Variants in CLIC5 observed in about 807,000 individuals in gnomAD.
CLIC5 encodes CLIC family member 5.
In CLIC5, 20 loss-of-function variants were observed where a neutral mutation model predicts 24.7. The ratio of observed to expected loss-of-function variants is 0.81; its 90% CI spans 0.57 to 1.18. The LOEUF is 1.18. Ranked by LOEUF, CLIC5 falls within the 50% of genes most tolerant of loss-of-function variation. The pLI is 0.00. For missense variants in CLIC5, 341 were observed against 326.1 expected, an observed-to-expected ratio of 1.05 and a Z score of -0.35; for synonymous variants, 159 against 135.6, an observed-to-expected ratio of 1.17 and a Z score of -1.20.
At chr6:45,949,201 A>G (rs1220041014) in intron 3 of CLIC5, 55 bp downstream of exon 3, 43 of 1,571,198 alleles carry the variant, frequency 2.7e-5, no homozygotes, top group Non-Finnish European at 3.5e-5. Context: ...AGGACTTTAT[A>G]GATCCAGCAT....
the CLIC5 span, among the ~76,000 whole-genome samples, chr6:46,117,110 G>A: frequency 1.8e-4 from 28 of 152,216 alleles, no homozygotes; most frequent in African/African-American, 6.7e-4. Context: ...GCCAATCTGA[G>A]GCTCTTCTCT....
intron 1 of CLIC5, among the ~76,000 whole-genome samples, chr6:46,041,026 A>G (rs1265144963): frequency 6.6e-6 from 1 of 152,238 alleles, no homozygotes; most frequent in African/African-American, 2.4e-5. Flanking sequence ...AACAATACAA[A>G]AGCCTCAGCA....
At chr6:46,111,274 T>C in the CLIC5 span, among the ~76,000 whole-genome samples, 2 of 152,044 alleles carry the variant, frequency 1.3e-5, no homozygotes, top group Non-Finnish European at 2.9e-5. Flanking sequence ...TGATGATGTA[T>C]GGACTACTCA....
At chr6:45,958,074 A>G (rs931880190) in intron 1 of CLIC5, among the ~76,000 whole-genome samples, 4 of 152,110 alleles carry the variant, frequency 2.6e-5, no homozygotes, top group Non-Finnish European at 5.9e-5. Context: ...GGGTCCTTGC[A>G]GGTGGAATCA....
At chr6:45,919,150 C>T in intron 4 of CLIC5, 1 of 965,224 alleles carries the variant, frequency 1.0e-6, no homozygotes, top group Non-Finnish European at 1.2e-6. Flanking sequence ...TCTAAATAGT[C>T]CCCCTAGAGA....
intron 1 of CLIC5, among the ~76,000 whole-genome samples, chr6:46,062,373 T>C (rs1762309349): frequency 6.6e-6 from 1 of 152,272 alleles, no homozygotes; most frequent in South Asian, 2.1e-4. Flanking sequence ...TTTGTGGTTG[T>C]TATCACTGAA....
intron 4 of CLIC5, among the ~76,000 whole-genome samples, chr6:45,916,511 G>C (rs1219249320): frequency 6.6e-6 from 1 of 152,144 alleles, no homozygotes. Context: ...ATCAAATACT[G>C]GGCCTGTCAA....
rs375073499 is a variant in CLIC5, at chr6:46,045,505, A to C, written c.540+34198T>G. On this transcript the variant is annotated intron_variant, in intron 1 of 5. Coordinates refer to the CLIC5 transcript ENST00000185206. ...GCAGAGAGTCACTGGCCCATTCTCC[A>C]TGATGCTGGTTGCCAAGAAACCATT... is the stretch of plus-strand genomic sequence containing the variant. 9.8e-4 allele frequency among the ~76,000 whole-genome samples: 149 copies of C among 152,294 alleles called. 1 individual carries two copies. The highest frequency in any genetic ancestry group is 2.8e-3 in the African/African-American group (117 of 41,564).
intron 1 of CLIC5, among the ~76,000 whole-genome samples, chr6:46,035,996 C>T (rs1036931522): frequency 2.6e-5 from 4 of 152,060 alleles, no homozygotes; most frequent in Admixed American, 1.3e-4. Context: ...CTGCCTGCCT[C>T]GGCCTCCCAA....
chr6:45,884,714 T>C (rs1355258930), intron 6 of CLIC5, among the ~76,000 whole-genome samples: 1 of 152,190 alleles, frequency 6.6e-6, no homozygotes, highest in African/African-American at 2.4e-5. Context: ...TTACTGGTCA[T>C]GGCAGGTAGA....
At chr6:45,939,217 CTT>C (rs34976541) in intron 4 of CLIC5, among the ~76,000 whole-genome samples, 322 of 115,760 alleles carry the variant, frequency 2.8e-3, no homozygotes, top group African/African-American at 0.011. Flanking sequence ...CTCCTCTCCT[CTT>C]TTTTTTTTTT....
At chr6:46,111,793 C>A in the CLIC5 span, among the ~76,000 whole-genome samples, 3 of 152,066 alleles carry the variant, frequency 2.0e-5, no homozygotes, top group Non-Finnish European at 4.4e-5. Flanking sequence ...ATGAGAGGGA[C>A]CTGGTGGGAA....
At chr6:46,069,886 G>C (rs1169823404) in intron 1 of CLIC5, among the ~76,000 whole-genome samples, 1 of 152,162 alleles carries the variant, frequency 6.6e-6, no homozygotes, top group Admixed American at 6.5e-5. Context: ...GATCAAGTAA[G>C]CTTTATCCCT....
chr6:45,920,643 C>T (rs971455578), intron 4 of CLIC5: 2 of 961,496 alleles, frequency 2.1e-6, no homozygotes, highest in Non-Finnish European at 2.5e-6. Flanking sequence ...AAGAATATCA[C>T]CACTTACTCA....
chr6:46,092,323 T>A, the CLIC5 span, among the ~76,000 whole-genome samples: 1 of 152,240 alleles, frequency 6.6e-6, no homozygotes, highest in African/African-American at 2.4e-5. Context: ...TGAGACTTGC[T>A]AGAGAAACAA....
At chr6:46,055,700 C>A (rs552079822) in intron 1 of CLIC5, among the ~76,000 whole-genome samples, 103 of 152,332 alleles carry the variant, frequency 6.8e-4, no homozygotes, top group African/African-American at 2.2e-3. Context: ...CACATGGGAG[C>A]TGGTGGCTGT....
intron 5 of CLIC5, among the ~76,000 whole-genome samples, chr6:45,904,740 C>A (rs2127295998): frequency 6.8e-6 from 1 of 146,978 alleles, no homozygotes; most frequent in Admixed American, 7.0e-5. Flanking sequence ...TTCCTTCCTT[C>A]CCTCTTTTTT....
chr6:45,990,857 A>C (rs1042494368), intron 1 of CLIC5, among the ~76,000 whole-genome samples: 2 of 152,192 alleles, frequency 1.3e-5, no homozygotes, highest in Non-Finnish European at 2.9e-5. Context: ...ACCTGGATTC[A>C]AGACCGGGTT....
the CLIC5 span, among the ~76,000 whole-genome samples, chr6:46,113,116 T>C: frequency 6.6e-6 from 1 of 151,928 alleles, no homozygotes; most frequent in Non-Finnish European, 1.5e-5. Flanking sequence ...GTATATGAGA[T>C]TGTGAGTTGG....
Sources: allele counts gnomAD v4.1 joint callset (sites outside exome capture counted in the v4.1 genomes callset), GRCh38; gene constraint gnomAD v4.1.1; transcripts MANE v1.5; gene names NCBI Gene and HGNC (gene_info 2026-07-23, HGNC 2026-07-21).